Variants in MCCC2 observed in about 807,000 individuals in gnomAD.
The protein encoded by MCCC2 is methylcrotonyl-CoA carboxylase subunit 2.
A neutral mutation model predicts 77.2 loss-of-function variants in MCCC2; 52 were observed. That is an observed-to-expected ratio of 0.67 (90% CI 0.54 to 0.85). The LOEUF (loss-of-function observed/expected upper bound fraction) is 0.85. Ranked by LOEUF, MCCC2 falls within the 40% of genes least tolerant of loss-of-function variation. MCCC2 has a pLI of 0.00. For synonymous variants in MCCC2, 253 were observed against 248.4 expected, an observed-to-expected ratio of 1.02 and a Z score of -0.18; for missense variants, 682 against 703.2, an observed-to-expected ratio of 0.97 and a Z score of 0.34.
chr5:71,648,119 C>A (rs1303537528), intron 13 of MCCC2, among the ~76,000 whole-genome samples: 2 of 152,196 alleles, frequency 1.3e-5, no homozygotes, highest in Non-Finnish European at 2.9e-5. Context: ...GCTGTGCTGC[C>A]ATTCCTGTGG....
chr5:71,620,062 A>G (rs896110996), intron 6 of MCCC2, among the ~76,000 whole-genome samples: 8 of 152,100 alleles, frequency 5.3e-5, no homozygotes, highest in African/African-American at 1.7e-4. Context: ...TCACTGTTTG[A>G]TTTCTTTGAG....
intron 8 of MCCC2, among the ~76,000 whole-genome samples, chr5:71,633,131 A>ATTTTTT (rs1306338509): frequency 3.8e-5 from 3 of 78,082 alleles, no homozygotes; most frequent in African/African-American, 1.0e-4. Flanking sequence ...ATATATATAT[A>ATTTTTT]TTTTTATTTT....
intron 7 of MCCC2, 134 bp from the exon 8 acceptor site, chr5:71,631,987 A>T: frequency 1.2e-6 from 1 of 821,046 alleles, no homozygotes; most frequent in South Asian, 1.4e-5. Context: ...TGCATGAATG[A>T]GAAAGCACAG....
intron 2 of MCCC2, among the ~76,000 whole-genome samples, chr5:71,593,402 C>T (rs1388603242): frequency 6.6e-6 from 1 of 151,816 alleles, no homozygotes; most frequent in Non-Finnish European, 1.5e-5. Context: ...GCTTTTGACT[C>T]TTAAGACTAT....
rs145050659 is a variant in MCCC2 at position 71,612,039 on chromosome 5, C to T, written c.624+7571C>T. On this transcript the variant is annotated intron_variant, in intron 6 of 16. Coordinates refer to ENST00000340941, the MANE Select transcript of MCCC2 (RefSeq NM_022132.5). ...TCCTGACCTCGTGATCTGCCGACCT[C>T]GTGATCCGCCCGCCTCGGCCTCCCA... Among the ~76,000 whole-genome samples, 342 of 152,124 alleles carry T rather than the reference C, an allele frequency of 2.2e-3. 3 individuals are homozygous for T. Among genetic ancestry groups the T allele is most frequent in the African/African-American group, 7.8e-3 (324 of 41,526 alleles).
At chr5:71,626,828 G>T (rs1162304995) in intron 7 of MCCC2, 75 bp downstream of exon 7, 2 of 1,330,694 alleles carry the variant, frequency 1.5e-6, no homozygotes, top group African/African-American at 1.5e-5. Context: ...ACTATTTTTT[G>T]ATGTTTTAAA....
Position 71,657,092 on chromosome 5 carries a change from G to A in MCCC2, c.*232G>A, listed in dbSNP as rs553764325. 49 of 477,418 alleles carry A rather than the reference G, an allele frequency of 1.0e-4. No individual in the cohort carries two copies. The highest frequency in any genetic ancestry group is 1.7e-4 in the Non-Finnish European group (44 of 262,756). The allele number at this position is 477,418 out of a possible 1,614,324, so 29.6% of individuals were successfully genotyped here. A position where few individuals can be genotyped will look rare whatever the true frequency, so the allele number is the denominator to read the frequency against. ...GGCTCAGTTTTACCACCCATAAAGC[G>A]GAGACAGTAATTTACGGTTATCCTT... On this transcript the variant is annotated 3_prime_UTR_variant, in exon 17 of 17. Coordinates refer to ENST00000340941, the MANE Select transcript of MCCC2 (RefSeq NM_022132.5).
At chr5:71,619,848 G>T (rs923919088) in intron 6 of MCCC2, among the ~76,000 whole-genome samples, 1 of 151,898 alleles carries the variant, frequency 6.6e-6, no homozygotes, top group African/African-American at 2.4e-5. Flanking sequence ...AAAATTAGCC[G>T]GGCATGGTGG....
rs554502924 is a variant in MCCC2, at chr5:71,626,769, C to T, written c.738+16C>T. 72 of 1,605,614 alleles carry T rather than the reference C, an allele frequency of 4.5e-5. No homozygotes were observed. In the Middle Eastern group the frequency reaches 5.0e-4, roughly 11 times the overall value. On this transcript the variant is annotated intron_variant, in intron 7 of 16. Coordinates refer to ENST00000340941, the MANE Select transcript of MCCC2 (RefSeq NM_022132.5). ...ACCCCCCTTGGTAAGAACATAAGAA[C>T]GTTGGTCGATGGAAATTAAGTATGC...
rs763592223 is a variant in MCCC2 at position 71,626,777 on chromosome 5, G to T, written c.738+24G>T. ...TGGTAAGAACATAAGAACGTTGGTC[G>T]ATGGAAATTAAGTATGCAGAACATA... On this transcript the variant is annotated intron_variant, in intron 7 of 16. Transcript: ENST00000340941. 4 of 1,594,954 alleles carry T rather than the reference G, an allele frequency of 2.5e-6. No individual in the cohort carries two copies. In the African/African-American group the frequency reaches 5.4e-5, roughly 21 times the overall value.
intron 2 of MCCC2, 117 bp from the exon 3 acceptor site, chr5:71,596,161 CAG>C: frequency 2.2e-6 from 2 of 903,710 alleles, no homozygotes; most frequent in Non-Finnish European, 3.6e-6. Flanking sequence ...AGCCTTTTCT[CAG>C]AGGATATGTT....
intron 3 of MCCC2, among the ~76,000 whole-genome samples, chr5:71,598,385 A>G (rs576492762): frequency 6.6e-6 from 1 of 151,772 alleles, no homozygotes; most frequent in African/African-American, 2.4e-5. Context: ...GAGTGTTTCT[A>G]AAGCCTTTAG....
chr5:71,644,032 C>CGTGT lies in MCCC2; in HGVS notation c.1149+137_1149+138insGTGT, dbSNP rs746221732. The CGTGT allele has an allele frequency of 0.017, 8,835 of 534,144 alleles. 145 individuals are homozygous for CGTGT. Among genetic ancestry groups the CGTGT allele is most frequent in the Non-Finnish European group, 0.021 (6,953 of 329,712 alleles). The allele number at this position is 534,144 out of a possible 1,614,324, so 33.1% of individuals were successfully genotyped here. A position where few individuals can be genotyped will look rare whatever the true frequency, so the allele number is the denominator to read the frequency against. Reference sequence around the variant, plus strand: ...GCAACCAGAACACTGTGTGCGCGGGCATGTGTGTGTGTGTGTGTGTGTGTG... The same window carrying CGTGT: ...GCAACCAGAACACTGTGTGCGCGGGCGTGTATGTGTGTGTGTGTGTGTGTGTGTG... On this transcript the variant is annotated intron_variant, in intron 12 of 16. Coordinates refer to ENST00000340941, the MANE Select transcript of MCCC2 (RefSeq NM_022132.5).
At chr5:71,604,692 T>C (rs1410221166) in intron 6 of MCCC2, among the ~76,000 whole-genome samples, 2 of 151,998 alleles carry the variant, frequency 1.3e-5, no homozygotes, top group African/African-American at 4.8e-5. Flanking sequence ...TAAATCGTCA[T>C]CTAGCATTAG....
chr5:71,643,720 G>C, intron 11 of MCCC2, 99 bp from the exon 12 acceptor site: 1 of 1,608,822 alleles, frequency 6.2e-7, no homozygotes, highest in Non-Finnish European at 8.5e-7. Flanking sequence ...TTTTAAACTT[G>C]GATCTGATAT....
Position 71,650,183 on chromosome 5 carries a change from G to C in MCCC2, c.1488G>C (p.Gln496His), listed in dbSNP as rs745367639. The change falls in exon 15 of 17, where the codon CAG becomes CAC. Residue 496 changes from glutamine to histidine, a missense_variant and splice_region_variant. By Grantham distance (24) the Gln-to-His change is conservative. Transcript: ENST00000340941. ...TKDQRAREGK[Q>H]FSSADEAALK... is the part of the protein sequence containing the mutation. ...ACCAAAGAGCCCGGGAAGGAAAGCAGGTCGGTGTCGTTTTCTCTTGTTTCT... is the reference window on the plus strand; with the variant it reads ...ACCAAAGAGCCCGGGAAGGAAAGCACGTCGGTGTCGTTTTCTCTTGTTTCT... 6.2e-6 allele frequency: 10 copies of C among 1,613,580 alleles called. No individual in the cohort carries two copies. The highest frequency in any genetic ancestry group is 4.5e-5 in the East Asian group (2 of 44,892).
At chr5:71,633,131 A>ATATATTTTTTTTTTTT (rs1554137344) in intron 8 of MCCC2, among the ~76,000 whole-genome samples, 4 of 78,080 alleles carry the variant, frequency 5.1e-5, no homozygotes, top group East Asian at 4.9e-4. Context: ...ATATATATAT[A>ATATATTTTTTTTTTTT]TTTTTATTTT....
At chr5:71,605,840 T>C (rs2112335656) in intron 6 of MCCC2, among the ~76,000 whole-genome samples, 1 of 152,340 alleles carries the variant, frequency 6.6e-6, no homozygotes, top group Admixed American at 6.5e-5. Context: ...TAGGGAATCC[T>C]TTCCCCATTG....
At chr5:71,604,240 A>C in intron 5 of MCCC2, 116 bp from the exon 6 acceptor site, 1 of 874,218 alleles carries the variant, frequency 1.1e-6, no homozygotes. Context: ...TTAGAAAGAC[A>C]GGGCAAGTTT....
Sources: allele counts gnomAD v4.1 joint callset (sites outside exome capture counted in the v4.1 genomes callset), GRCh38; gene constraint gnomAD v4.1.1; transcripts MANE v1.5; gene names NCBI Gene and HGNC (gene_info 2026-07-23, HGNC 2026-07-21).